CADM1: variants seen among roughly 807,000 people sequenced by gnomAD.
CADM1 encodes cell adhesion molecule 1.
Under a neutral mutation model 53.1 loss-of-function variants are expected in CADM1, and 15 were observed. The observed-to-expected ratio is 0.28, with a 90% CI of 0.19 to 0.44. The LOEUF is 0.44. Among genes scored for constraint, CADM1 ranks in the 20% least tolerant of loss-of-function variants. The pLI, the probability that CADM1 is intolerant of heterozygous loss-of-function variation, is 1.00. For missense variants in CADM1, 434 were observed against 611.3 expected (o/e 0.71, Z 3.06); for synonymous variants, 281 against 243.0 (o/e 1.16, Z -1.45).
chr11:115,217,915 T>C lies in CADM1; in HGVS notation c.798A>G (p.Thr266=). The change falls in exon 6 of 12, where the codon ACA becomes ACG. Residue 266 remains threonine (T), a synonymous_variant. Transcript: ENST00000331581. The part of the protein sequence containing the change: ...LTREGDALEL[T]CEAIGKPQPV... ...ACTGGGGCTTCCCGATGGCTTCACA[T>C]GTTAACTCAAGCGCGTCCCCTTCCC... 6.2e-7 allele frequency: 1 copy of C among 1,613,648 alleles called. No individual in the cohort carries two copies. Among genetic ancestry groups the C allele is most frequent in the Non-Finnish European group, 8.5e-7 (1 of 1,179,606 alleles).
chr11:115,299,669 A>G (rs1944168825), intron 1 of CADM1, among the ~76,000 whole-genome samples: 1 of 152,116 alleles, frequency 6.6e-6, no homozygotes, highest in Non-Finnish European at 1.5e-5. Context: ...AGTCTGACCT[A>G]TTTGTCTTAA....
At chr11:115,272,145 T>G (rs1943317115) in intron 1 of CADM1, among the ~76,000 whole-genome samples, 1 of 152,066 alleles carries the variant, frequency 6.6e-6, no homozygotes, top group Admixed American at 6.5e-5. Context: ...AAGAAAGCAG[T>G]TCACAGATGC....
chr11:115,431,651 A>T (rs936795752), intron 1 of CADM1, among the ~76,000 whole-genome samples: 1 of 151,838 alleles, frequency 6.6e-6, no homozygotes, highest in Admixed American at 6.6e-5. Flanking sequence ...CAGATCTCTG[A>T]CTCCAGCTAA....
chr11:115,295,668 C>G (rs1944059228), intron 1 of CADM1, among the ~76,000 whole-genome samples: 1 of 150,898 alleles, frequency 6.6e-6, no homozygotes, highest in Non-Finnish European at 1.5e-5. Flanking sequence ...ATCCGAAGTT[C>G]CTAACATAAT....
At chr11:115,340,647 TATA>T (rs1396147437) in intron 1 of CADM1, among the ~76,000 whole-genome samples, 2,339 of 40,946 alleles carry the variant, frequency 0.057, 76 homozygotes, top group Non-Finnish European at 0.077. Context: ...TATATATATA[TATA>T]TATATATATT....
At chr11:115,465,739 T>A (rs314493) in intron 1 of CADM1, among the ~76,000 whole-genome samples, 129,961 of 152,114 alleles carry the variant, frequency 0.85, 55,830 homozygotes, top group East Asian at 0.99. Flanking sequence ...TCCCTTAGAT[T>A]TTTTTTCCCC....
intron 1 of CADM1, among the ~76,000 whole-genome samples, chr11:115,288,458 T>G (rs1402019444): frequency 1.6e-5 from 2 of 127,748 alleles, no homozygotes; most frequent in Non-Finnish European, 1.5e-5. Flanking sequence ...CATTTATGAT[T>G]AAGAAAAAAA....
intron 1 of CADM1, among the ~76,000 whole-genome samples, chr11:115,473,207 C>T (rs1949054606): frequency 6.6e-6 from 1 of 152,110 alleles, no homozygotes; most frequent in African/African-American, 2.4e-5. Context: ...GTGTATAATC[C>T]CAACACTTTG....
intron 1 of CADM1, among the ~76,000 whole-genome samples, chr11:115,453,363 A>ACCC (rs1394162557): frequency 2.1e-5 from 3 of 139,652 alleles, no homozygotes; most frequent in African/African-American, 5.3e-5. Context: ...GAAACCCTAT[A>ACCC]CCCCCCTCGC....
intron 1 of CADM1, among the ~76,000 whole-genome samples, chr11:115,291,225 A>G (rs1048209653): frequency 4.0e-5 from 6 of 151,624 alleles, no homozygotes; most frequent in East Asian, 1.9e-4. Flanking sequence ...GCTTTGAGGG[A>G]AAAAAAAATG....
chr11:115,411,454 A>T (rs220842), intron 1 of CADM1, among the ~76,000 whole-genome samples: 147,261 of 152,248 alleles, frequency 0.97, 71,483 homozygotes, highest in African/African-American at 1. Context: ...TAGGAAAGGC[A>T]TAAATTTTTA....
chr11:115,271,420 C>T (rs1943295315), intron 1 of CADM1, among the ~76,000 whole-genome samples: 1 of 152,076 alleles, frequency 6.6e-6, no homozygotes, highest in South Asian at 2.1e-4. Context: ...GTAGCTGGGA[C>T]TACAGGCGCC....
chr11:115,274,485 A>G (rs149746324), intron 1 of CADM1, among the ~76,000 whole-genome samples: 290 of 152,360 alleles, frequency 1.9e-3, no homozygotes, highest in South Asian at 3.3e-3. Flanking sequence ...TCAGTTTCAT[A>G]CAACTTGTTA....
At chr11:115,442,331 C>T (rs920214541) in intron 1 of CADM1, among the ~76,000 whole-genome samples, 1 of 152,196 alleles carries the variant, frequency 6.6e-6, no homozygotes, top group African/African-American at 2.4e-5. Context: ...TTGTACTATA[C>T]TGAGTCCAAT....
chr11:115,177,987 G>A (rs965341728), intron 11 of CADM1, among the ~76,000 whole-genome samples: 3 of 152,166 alleles, frequency 2.0e-5, no homozygotes, highest in African/African-American at 7.2e-5. Context: ...AAATTACCAA[G>A]AGGGAAGAAG....
intron 1 of CADM1, among the ~76,000 whole-genome samples, chr11:115,487,149 T>C (rs1949391925): frequency 1.3e-5 from 2 of 152,226 alleles, no homozygotes; most frequent in African/African-American, 4.8e-5. Context: ...GTCCAGTGGT[T>C]TTTAAACCAT....
At chr11:115,456,657 T>G (rs1170414806) in intron 1 of CADM1, among the ~76,000 whole-genome samples, 2 of 152,180 alleles carry the variant, frequency 1.3e-5, no homozygotes, top group Non-Finnish European at 2.9e-5. Flanking sequence ...ACTTTAATCC[T>G]GGCTCTTCCA....
intron 1 of CADM1, among the ~76,000 whole-genome samples, chr11:115,278,642 C>T (rs1319532757): frequency 6.6e-6 from 1 of 152,026 alleles, no homozygotes; most frequent in Non-Finnish European, 1.5e-5. Context: ...GTGTATTCCA[C>T]GAAGAACAAT....
intron 1 of CADM1, among the ~76,000 whole-genome samples, chr11:115,354,548 T>C (rs1350950520): frequency 5.3e-5 from 8 of 152,154 alleles, no homozygotes; most frequent in African/African-American, 1.9e-4. Context: ...CAACAACTGC[T>C]TAAAGCCCTG....
Sources: allele counts gnomAD v4.1 joint callset (sites outside exome capture counted in the v4.1 genomes callset), GRCh38; gene constraint gnomAD v4.1.1; transcripts MANE v1.5; gene names NCBI Gene and HGNC (gene_info 2026-07-23, HGNC 2026-07-21).